FBXO45: variants seen among roughly 807,000 people sequenced by gnomAD.
The protein encoded by FBXO45 is F-box/SPRY domain-containing protein 1.
In FBXO45, 3 loss-of-function variants were observed where a neutral mutation model predicts 25.5. That is an observed-to-expected ratio of 0.12 (90% CI 0.05 to 0.30). The LOEUF is 0.30. Ranked by LOEUF, FBXO45 falls within the 10% of genes least tolerant of loss-of-function variation. FBXO45 has a pLI of 1.00. For missense variants in FBXO45, 219 were observed against 365.0 expected (o/e 0.60, Z 3.26); for synonymous variants, 155 against 149.8 (o/e 1.03, Z -0.25).
At position 196,585,653 on chromosome 3, in the gene FBXO45, C is replaced by T. The variant is rs1275237537; in HGVS notation, c.*1335C>T. 6.6e-6 allele frequency: 1 copy of T among 152,192 alleles called. No individual in the cohort carries two copies. The highest frequency in any genetic ancestry group is 1.5e-5 in the Non-Finnish European group (1 of 68,028). The allele number at this position is 152,192 out of a possible 1,614,324, so 9.4% of individuals were successfully genotyped here. A position where few individuals can be genotyped will look rare whatever the true frequency, so the allele number is the denominator to read the frequency against. ...ATTTTGACTTACAAATCTTGTTTCT[C>T]ATCACTAAAATGCTTTTGAATTAAT... is the stretch of plus-strand genomic sequence containing the variant. On this transcript the variant is annotated 3_prime_UTR_variant, in exon 3 of 3. Coordinates refer to ENST00000311630, the MANE Select transcript of FBXO45 (RefSeq NM_001105573.2).
chr3:196,574,111 T>G (rs1042326894), intron 1 of FBXO45, among the ~76,000 whole-genome samples: 4 of 152,040 alleles, frequency 2.6e-5, no homozygotes, highest in African/African-American at 9.7e-5. Context: ...ATTTTTGTAT[T>G]TTTAGTAGAG....
intron 2 of FBXO45, among the ~76,000 whole-genome samples, chr3:196,583,916 A>C (rs997756557): frequency 6.6e-6 from 1 of 152,182 alleles, no homozygotes; most frequent in African/African-American, 2.4e-5. Flanking sequence ...TCAGCCTCCC[A>C]AAGTGCTGGG....
intron 1 of FBXO45, among the ~76,000 whole-genome samples, chr3:196,570,712 CTTTTTT>C (rs71161937): frequency 0.065 from 6,463 of 99,856 alleles, 188 homozygotes; most frequent in Non-Finnish European, 0.1. Flanking sequence ...TTTCTTTTTT[CTTTTTT>C]TTTTTTTTTT....
At position 196,586,371 on chromosome 3, in the gene FBXO45, C is replaced by G. The variant is rs1369591832; in HGVS notation, c.*2053C>G. ...AGGTGCTGAGTGGAAAACCGAAACA[C>G]ATGGTTATTGCGTATTGGACCTAGA... On this transcript the variant is annotated 3_prime_UTR_variant, in exon 3 of 3. Coordinates refer to ENST00000311630, the MANE Select transcript of FBXO45 (RefSeq NM_001105573.2). The G allele has an allele frequency of 6.6e-6, 1 of 152,170 alleles. No individual in the cohort carries two copies. Among genetic ancestry groups the G allele is most frequent in the African/African-American group, 2.4e-5 (1 of 41,422 alleles). The allele number at this position is 152,170 out of a possible 1,614,324, so 9.4% of individuals were successfully genotyped here. A position where few individuals can be genotyped will look rare whatever the true frequency, so the allele number is the denominator to read the frequency against.
chr3:196,580,778 CTT>C (rs1553874740), intron 2 of FBXO45, among the ~76,000 whole-genome samples: 5 of 146,494 alleles, frequency 3.4e-5, no homozygotes, highest in South Asian at 2.2e-4. Flanking sequence ...ATTTCTTTTC[CTT>C]TTTTTTTTTG....
intron 2 of FBXO45, among the ~76,000 whole-genome samples, chr3:196,581,223 C>CTT (rs33962634): frequency 0.29 from 18,628 of 63,180 alleles, 6,771 homozygotes; most frequent in Middle Eastern, 0.42. Flanking sequence ...TTTCTTTTTC[C>CTT]TTTTTTTTTT....
intron 2 of FBXO45, among the ~76,000 whole-genome samples, chr3:196,580,810 C>A (rs1735996341): frequency 6.9e-6 from 1 of 145,894 alleles, no homozygotes; most frequent in African/African-American, 2.4e-5. Context: ...CTCGCTCTGA[C>A]ACCTCGGCTG....
At chr3:196,576,970 A>G (rs1000828530) in intron 1 of FBXO45, among the ~76,000 whole-genome samples, 1 of 152,226 alleles carries the variant, frequency 6.6e-6, no homozygotes, top group Non-Finnish European at 1.5e-5. Context: ...AAAAATATCA[A>G]ATATAAACAA....
chr3:196,573,972 C>G (rs1418621726), intron 1 of FBXO45, among the ~76,000 whole-genome samples: 3 of 131,090 alleles, frequency 2.3e-5, no homozygotes, highest in Non-Finnish European at 3.1e-5. Context: ...GAGTCTTGCT[C>G]TGTTGCCCAG....
chr3:196,581,599 T>TA (rs1423349289), intron 2 of FBXO45, among the ~76,000 whole-genome samples: 1 of 152,168 alleles, frequency 6.6e-6, no homozygotes, highest in Non-Finnish European at 1.5e-5. Context: ...ACTATATTTG[T>TA]AAAAAAATCT....
intron 2 of FBXO45, among the ~76,000 whole-genome samples, chr3:196,583,031 C>T (rs6808029): frequency 0.19 from 28,923 of 152,032 alleles, 3,702 homozygotes; most frequent in East Asian, 0.61. Context: ...TTCCTTCACT[C>T]CCCACCCCTG....
At chr3:196,578,046 C>CTTTTGTTTTTTT (rs1735946447) in intron 2 of FBXO45, among the ~76,000 whole-genome samples, 1 of 94,100 alleles carries the variant, frequency 1.1e-5, no homozygotes, top group African/African-American at 4.6e-5. Context: ...GAAAAATATT[C>CTTTTGTTTTTTT]TTTTTTTTTT....
chr3:196,571,445 C>CAAACTCCT (rs1427611538), intron 1 of FBXO45, among the ~76,000 whole-genome samples: 1 of 151,980 alleles, frequency 6.6e-6, no homozygotes, highest in Non-Finnish European at 1.5e-5. Flanking sequence ...AAGCTGGTCT[C>CAAACTCCT]AAACTCCTGG....
At chr3:196,578,405 A>T (rs934599412) in intron 2 of FBXO45, among the ~76,000 whole-genome samples, 3 of 152,182 alleles carry the variant, frequency 2.0e-5, no homozygotes, top group African/African-American at 7.2e-5. Flanking sequence ...TTCCTAATAC[A>T]ACTTTAAGCA....
intron 2 of FBXO45, among the ~76,000 whole-genome samples, chr3:196,582,075 T>C (rs888931964): frequency 2.0e-5 from 3 of 152,198 alleles, no homozygotes; most frequent in African/African-American, 4.8e-5. Context: ...GTTCCTCCTC[T>C]AAGTTTCCAG....
At chr3:196,583,717 G>A (rs1736056943) in intron 2 of FBXO45, among the ~76,000 whole-genome samples, 1 of 151,652 alleles carries the variant, frequency 6.6e-6, no homozygotes. Context: ...TTCCATGTGA[G>A]TCTTAAAAAC....
At chr3:196,573,987 G>A (rs1188373820) in intron 1 of FBXO45, among the ~76,000 whole-genome samples, 1 of 146,280 alleles carries the variant, frequency 6.8e-6, no homozygotes, top group African/African-American at 2.6e-5. Context: ...GCCCAGGCTG[G>A]AGCGCAGTGG....
At chr3:196,573,980 C>T (rs957532166) in intron 1 of FBXO45, among the ~76,000 whole-genome samples, 3 of 149,590 alleles carry the variant, frequency 2.0e-5, no homozygotes, top group Non-Finnish European at 3.0e-5. Flanking sequence ...CTCTGTTGCC[C>T]AGGCTGGAGC....
In FBXO45 at chr3:196,569,556, C is replaced by T. The variant is rs1036730328; in HGVS notation, c.318+254C>T. Among the ~76,000 whole-genome samples, 2 of 152,184 alleles carry T rather than the reference C, an allele frequency of 1.3e-5. No individual in the cohort carries two copies. The highest frequency in any genetic ancestry group is 6.5e-5 in the Admixed American group (1 of 15,282). ...TAGGTAGTTTGCCTCACTCATTCAA[C>T]TTTTGACAGTTTTCCCCGTTAAAGA... is the stretch of plus-strand genomic sequence containing the variant. On this transcript the variant is annotated intron_variant, in intron 1 of 2. Transcript: ENST00000311630. This position sits in a 1 kb window ranked among gnomAD's most constrained non-coding sequence, Gnocchi z 4.1.
Sources: allele counts gnomAD v4.1 joint callset (sites outside exome capture counted in the v4.1 genomes callset), GRCh38; gene constraint gnomAD v4.1.1; non-coding constraint Gnocchi (gnomAD v3.1); transcripts MANE v1.5; gene names NCBI Gene and HGNC (gene_info 2026-07-23, HGNC 2026-07-21).